CD300C: variants seen among roughly 807,000 people sequenced by gnomAD.
CD300C encodes the protein CD300c molecule, also known as CMRF35-like molecule 6.
In CD300C, 11 loss-of-function variants were observed where a neutral mutation model predicts 18.4. The ratio of observed to expected loss-of-function variants is 0.60; its 90% CI spans 0.38 to 0.99. CD300C has a LOEUF of 0.99. Among genes scored for constraint, CD300C ranks in the 50% least tolerant of loss-of-function variants. CD300C has a pLI of 0.01. For synonymous variants in CD300C, 116 were observed against 116.3 expected (o/e 1.00, Z 0.02); for missense variants, 277 against 287.4 (o/e 0.96, Z 0.26).
Position 74,545,809 on chromosome 17 carries a change from C to T in CD300C, c.-27G>A, listed in dbSNP as rs1351172385. On this transcript the variant is annotated 5_prime_UTR_variant, in exon 1 of 4. It adds an upstream start codon to the 5' untranslated region. Coordinates refer to ENST00000330793, the MANE Select transcript of CD300C (RefSeq NM_006678.5). Reference sequence around the variant, plus strand: ...CCTGTAACACGAATGTCACCTGCCACTGTGCAAGACCCCAGGAGGGGACAA... The same window carrying T: ...CCTGTAACACGAATGTCACCTGCCATTGTGCAAGACCCCAGGAGGGGACAA... 1.3e-6 allele frequency: 2 copies of T among 1,593,648 alleles called. No homozygotes were observed. The highest frequency in any genetic ancestry group is 8.6e-7 in the Non-Finnish European group (1 of 1,167,376).
chr17:74,538,481 C>T (rs777601040), downstream of CD300C, among the ~76,000 whole-genome samples: 18 of 152,222 alleles, frequency 1.2e-4, no homozygotes, highest in Non-Finnish European at 2.1e-4. Context: ...TGCCAAGGTA[C>T]TGTGGGCACA....
chr17:74,543,120 C>T, intron 2 of CD300C, 133 bp from the exon 3 acceptor site: 1 of 1,260,364 alleles, frequency 7.9e-7, no homozygotes, highest in South Asian at 1.2e-5. Context: ...CCATCATGCC[C>T]CACGGCCACA....
rs1908702434 is a variant in CD300C, at chr17:74,544,947, C to A, written c.62G>T (p.Gly21Val). The change falls in exon 2 of 4, where the codon GGC becomes GTC. Residue 21 changes from glycine (G) to valine (V), a missense_variant and splice_region_variant. Transcript: ENST00000330793. ...CATGGGGTGGCTCAGAGGAAAATAG[C>A]CTGAAAAATACAAGCCAAAATCCTG... ...SSALLLLLVP[G>V]YFPLSHPMTV... The A allele has an allele frequency of 1.2e-6, 2 of 1,604,312 alleles. No homozygotes were observed. Among genetic ancestry groups the A allele is most frequent in the Non-Finnish European group, 1.7e-6 (2 of 1,174,218 alleles).
downstream of CD300C, among the ~76,000 whole-genome samples, chr17:74,540,561 A>T (rs1300122481): frequency 6.6e-6 from 1 of 152,164 alleles, no homozygotes; most frequent in African/African-American, 2.4e-5. Context: ...CCCCCAGGCG[A>T]GGCCCTCCTT....
chr17:74,544,033 G>GGGC (rs1487626941), intron 2 of CD300C, among the ~76,000 whole-genome samples: 1 of 152,124 alleles, frequency 6.6e-6, no homozygotes, highest in Non-Finnish European at 1.5e-5. Context: ...TCCTCCAGTG[G>GGGC]CTGCTGCAGG....
Position 74,545,747 on chromosome 17 carries a change from T to C in CD300C, c.36A>G (p.Ser12=). ...TARAWASWRS[S]ALLLLLVPGY... is the part of the protein sequence containing the mutation. The stretch of plus-strand genomic sequence containing the variant: ...CTGGGACAAGCAGGAGGAGCAGAGC[T>C]GAAGACCGCCACGAGGCCCAGGCCC... The change falls in exon 1 of 4, where the codon TCA becomes TCG. Residue 12 remains serine (S), a synonymous_variant. Transcript: ENST00000330793. 6.2e-7 allele frequency: 1 copy of C among 1,609,560 alleles called. No homozygotes were observed. The highest frequency in any genetic ancestry group is 1.1e-5 in the South Asian group (1 of 90,144).
Position 74,542,881 on chromosome 17 carries a change from G to A in CD300C, c.507C>T (p.Pro169=), listed in dbSNP as rs147705680. The A allele has an allele frequency of 6.2e-6, 10 of 1,608,672 alleles. No homozygotes were observed. Among genetic ancestry groups the A allele is most frequent in the Admixed American group, 1.7e-5 (1 of 60,002 alleles). ...CTTACCCAGGGTGTGGGCTGGGTTC[G>A]GGGCTGTCCTTTCTGGTCACGCTGG... ...TWPSVTRKDS[P]EPSPHPGSLF... Residue 169 remains proline (P), a synonymous_variant, in exon 3 of 4, where the codon CCC becomes CCT. Coordinates refer to ENST00000330793, the MANE Select transcript of CD300C (RefSeq NM_006678.5).
At chr17:74,537,370 G>A (rs1908412853), downstream of CD300C, among the ~76,000 whole-genome samples, 1 of 152,114 alleles carries the variant, frequency 6.6e-6, no homozygotes, top group South Asian at 2.1e-4. Flanking sequence ...GTGTTGAATG[G>A]TCCAGGCACT....
Position 74,544,824 on chromosome 17 carries a change from A to C in CD300C, c.185T>G (p.Ile62Ser). The change falls in exon 2 of 4, where the codon ATT (isoleucine) becomes AGT (serine). Residue 62 changes from isoleucine (I) to serine (S), a missense_variant. Physicochemically the swap from Ile to Ser is moderately radical, Grantham distance 142 (BLOSUM62 -2). Coordinates refer to ENST00000330793, the MANE Select transcript of CD300C (RefSeq NM_006678.5). ...CTCCACAATCTTGTCACATCGGAGA[A>C]TCTGTGGTGGTCTGCACCAGAATTT... ...LNKFWCRPPQ[I>S]LRCDKIVETK... The C allele has an allele frequency of 3.1e-6, 5 of 1,614,176 alleles. No individual in the cohort carries two copies. Among genetic ancestry groups the C allele is most frequent in the Middle Eastern group, 3.3e-4 (2 of 6,062 alleles).
Position 74,545,840 on chromosome 17 carries a change from A to T in CD300C, c.-58T>A. The stretch of plus-strand genomic sequence containing the variant: ...AAGACCCCAGGAGGGGACAAAATGT[A>T]ATCTCCTCCCAGCAGATCTGAGCTT... On this transcript the variant is annotated 5_prime_UTR_variant, in exon 1 of 4. Transcript: ENST00000330793. 1 of 1,382,576 alleles carries T rather than the reference A, an allele frequency of 7.2e-7. No homozygotes were observed. Among genetic ancestry groups the T allele is most frequent in the Non-Finnish European group, 1.0e-6 (1 of 984,850 alleles). The allele number at this position is 1,382,576 out of a possible 1,614,324, so 85.6% of individuals were successfully genotyped here. A position where few individuals can be genotyped will look rare whatever the true frequency, so the allele number is the denominator to read the frequency against.
At chr17:74,536,318 G>A (rs528502504), downstream of CD300C, among the ~76,000 whole-genome samples, 2 of 152,092 alleles carry the variant, frequency 1.3e-5, no homozygotes, top group African/African-American at 2.4e-5. Flanking sequence ...TGGATCATGA[G>A]GTCAGGAGAT....
chr17:74,545,645 T>C (rs1908734169), intron 1 of CD300C, 77 bp downstream of exon 1: 1 of 1,166,306 alleles, frequency 8.6e-7, no homozygotes, highest in Non-Finnish European at 1.2e-6. Flanking sequence ...CTATGACCGC[T>C]ACTCCAGCGC....
Position 74,544,917 on chromosome 17 carries a change from A to G in CD300C, c.92T>C (p.Val31Ala). Residue 31 changes from valine (V) to alanine (A), a missense_variant, in exon 2 of 4, where the codon GTG becomes GCG. Coordinates refer to ENST00000330793, the MANE Select transcript of CD300C (RefSeq NM_006678.5). Reference protein sequence around the residue: ...GYFPLSHPMTVAGPVGGSLSV... With the variant: ...GYFPLSHPMTAAGPVGGSLSV... Reference sequence around the variant, plus strand: ...CAGGGATCCCCCCACGGGGCCCGCCACGGTCATGGGGTGGCTCAGAGGAAA... The same window carrying G: ...CAGGGATCCCCCCACGGGGCCCGCCGCGGTCATGGGGTGGCTCAGAGGAAA... The G allele has an allele frequency of 6.2e-7, 1 of 1,613,478 alleles. No individual in the cohort carries two copies. Among genetic ancestry groups the G allele is most frequent in the Non-Finnish European group, 8.5e-7 (1 of 1,179,552 alleles).
chr17:74,537,797 C>T (rs1908426516), downstream of CD300C, among the ~76,000 whole-genome samples: 2 of 151,898 alleles, frequency 1.3e-5, no homozygotes, highest in African/African-American at 4.8e-5. Context: ...ATGAACATAA[C>T]AATCGGAATG....
At position 74,541,545 on chromosome 17, in the gene CD300C, AG is replaced by A. The variant is rs914112273; in HGVS notation, c.*43del. ...GGTCAGGAGGTCATTCCAGTCCCCCAGAGGGGCTCTGTTGCAGCACAGGGCC... is the reference window on the plus strand; with the variant it reads ...GGTCAGGAGGTCATTCCAGTCCCCCAAGGGGCTCTGTTGCAGCACAGGGCC... On this transcript the variant is annotated 3_prime_UTR_variant, in exon 4 of 4. Coordinates refer to ENST00000330793, the MANE Select transcript of CD300C (RefSeq NM_006678.5). 1.5e-5 allele frequency: 21 copies of A among 1,398,872 alleles called. No individual in the cohort carries two copies. Among genetic ancestry groups the A allele is most frequent in the Non-Finnish European group, 2.1e-5 (21 of 984,250 alleles). 86.7% of individuals were successfully genotyped at this position (1,398,872 alleles called of 1,614,324 possible).
rs1908548194 is a variant in CD300C at position 74,541,566 on chromosome 17, A to G, written c.*23T>C. 1.3e-6 allele frequency: 2 copies of G among 1,566,912 alleles called. No individual in the cohort carries two copies. Among genetic ancestry groups the G allele is most frequent in the Non-Finnish European group, 8.8e-7 (1 of 1,137,022 alleles). The stretch of plus-strand genomic sequence containing the variant: ...CCCCAGAGGGGCTCTGTTGCAGCAC[A>G]GGGCCTTGATGGACAGCAGATGCTA... On this transcript the variant is annotated 3_prime_UTR_variant, in exon 4 of 4. Transcript: ENST00000330793.
Position 74,544,865 on chromosome 17 carries a change from T to A in CD300C, c.144A>T (p.Glu48Asp), listed in dbSNP as rs1197829079. 2.5e-6 allele frequency: 4 copies of A among 1,614,092 alleles called. No homozygotes were observed. The highest frequency in any genetic ancestry group is 3.4e-6 in the Non-Finnish European group (4 of 1,180,038). Residue 48 changes from glutamate (E) to aspartate (D), a missense_variant, in exon 2 of 4, where the codon GAA becomes GAT. Coordinates refer to ENST00000330793, the MANE Select transcript of CD300C (RefSeq NM_006678.5). ...ACCAGAATTTGTTGAGGGTCCTGTG[T>A]TCCTTCTCATAGCGACACTGCACAC... ...SLSVQCRYEK[E>D]HRTLNKFWCR...
chr17:74,541,487 A>G lies in CD300C; in HGVS notation c.*102T>C, dbSNP rs1458516643. On this transcript the variant is annotated 3_prime_UTR_variant, in exon 4 of 4. Coordinates refer to ENST00000330793, the MANE Select transcript of CD300C (RefSeq NM_006678.5). ...CTGAAGGAGGCTCACAAAGGATTCC[A>G]GGAGATGTGGAGAGAGCAGCCCGGG... 5.1e-6 allele frequency: 4 copies of G among 781,758 alleles called. No homozygotes were observed. The African/African-American group carries it at 6.8e-5, about 13-fold the overall frequency. The allele number at this position is 781,758 out of a possible 1,614,324, so 48.4% of individuals were successfully genotyped here.
downstream of CD300C, among the ~76,000 whole-genome samples, chr17:74,539,704 T>G (rs900765436): frequency 1.3e-5 from 2 of 152,188 alleles, no homozygotes; most frequent in Admixed American, 1.3e-4. Flanking sequence ...GTCCAGACCC[T>G]CAACCTCCCA....
Sources: allele counts gnomAD v4.1 joint callset (sites outside exome capture counted in the v4.1 genomes callset), GRCh38; gene constraint gnomAD v4.1.1; transcripts MANE v1.5; gene names NCBI Gene and HGNC (gene_info 2026-07-23, HGNC 2026-07-21).